The following AP4E1 variants were observed in gnomAD, a reference collection of about 807,000 sequenced individuals.
The protein encoded by AP4E1 is adaptor related protein complex 4 subunit epsilon 1.
In AP4E1, 56 loss-of-function variants were observed where a neutral mutation model predicts 128.2. That is an observed-to-expected ratio of 0.44 (90% confidence interval 0.35 to 0.55). The LOEUF (loss-of-function observed/expected upper bound fraction) is 0.55. AP4E1 is among the 20% of genes least tolerant of loss of function. AP4E1 has a pLI of 0.00. For synonymous variants in AP4E1, 484 were observed against 473.1 expected (o/e 1.02, Z -0.30); for missense variants, 1,324 against 1,307.7 (o/e 1.01, Z -0.19).
intron 15 of AP4E1, among the ~76,000 whole-genome samples, chr15:50,969,125 T>G (rs572506006): frequency 6.6e-6 from 1 of 152,192 alleles, no homozygotes; most frequent in African/African-American, 2.4e-5. Flanking sequence ...TTAAGCCTAG[T>G]ACCCATTAGT....
At chr15:50,990,678 G>A (rs79342740) in intron 16 of AP4E1, among the ~76,000 whole-genome samples, 7,707 of 152,064 alleles carry the variant, frequency 0.051, 238 homozygotes, top group African/African-American at 0.068. Context: ...TACTGCACCT[G>A]GCCATATTTT....
chr15:50,995,963 A>G (rs2064863923), intron 17 of AP4E1, among the ~76,000 whole-genome samples: 1 of 149,056 alleles, frequency 6.7e-6, no homozygotes, highest in African/African-American at 2.4e-5. Flanking sequence ...GACAGTAACA[A>G]GCAGTCTAAT....
intron 5 of AP4E1, among the ~76,000 whole-genome samples, chr15:50,928,546 C>A (rs2063794206): frequency 6.6e-6 from 1 of 152,004 alleles, no homozygotes. Flanking sequence ...CCTCAGCCTC[C>A]CAAAGTGCTG....
At chr15:50,943,009 T>C (rs1376152335) in intron 10 of AP4E1, among the ~76,000 whole-genome samples, 3 of 152,092 alleles carry the variant, frequency 2.0e-5, no homozygotes, top group African/African-American at 7.2e-5. Flanking sequence ...AACATAGTAC[T>C]GGGTAGGTAG....
At chr15:50,982,606 A>G (rs1377521019) in intron 15 of AP4E1, among the ~76,000 whole-genome samples, 1 of 152,218 alleles carries the variant, frequency 6.6e-6, no homozygotes, top group African/African-American at 2.4e-5. Flanking sequence ...TCTTCACTTT[A>G]CAGATGAAGA....
chr15:50,957,513 T>G (rs1392939309), intron 13 of AP4E1, among the ~76,000 whole-genome samples: 1 of 152,054 alleles, frequency 6.6e-6, no homozygotes, highest in African/African-American at 2.4e-5. Context: ...AGTTCTCACT[T>G]TGGGCCGTGG....
intron 3 of AP4E1, chr15:50,918,211 T>A (rs1167277951): frequency 6.6e-6 from 1 of 152,268 alleles, no homozygotes; most frequent in Non-Finnish European, 1.5e-5. Flanking sequence ...AACCTTTGTT[T>A]CCCTGGTCTC....
chr15:50,908,846 G>T lies in AP4E1; in HGVS notation c.68G>T (p.Gly23Val), dbSNP rs2141120985. The T allele has an allele frequency of 6.2e-7, 1 of 1,608,504 alleles. No homozygotes were observed. Among genetic ancestry groups the T allele is most frequent in the Non-Finnish European group, 8.5e-7 (1 of 1,178,434 alleles). Residue 23 changes from glycine to valine, a missense_variant, in exon 1 of 21, where the codon GGT becomes GTT. Physicochemically the swap from Gly to Val is moderately radical, Grantham distance 109. Coordinates refer to ENST00000261842, the MANE Select transcript of AP4E1 (RefSeq NM_007347.5). ...CTCTTTCTGCAGAACCAGCCCGGTGGTGGGCCCGCGGCCGCCAAGGCGTCC... is the reference window on the plus strand; with the variant it reads ...CTCTTTCTGCAGAACCAGCCCGGTGTTGGGCCCGCGGCCGCCAAGGCGTCC... ...PGLFLQNQPG[G>V]GPAAAKASFS...
rs61161776 is a variant in AP4E1 at position 50,991,962 on chromosome 15, CTT to C, written c.2091-1391_2091-1390del. Among the ~76,000 whole-genome samples the C allele has an allele frequency of 8.4e-3, 1,058 of 126,464 alleles. 13 individuals are homozygous for C. The highest frequency in any genetic ancestry group is 0.024 in the African/African-American group (824 of 34,834). 83.0% of individuals were successfully genotyped at this position (126,464 alleles called of 152,430 possible). On this transcript the variant is annotated intron_variant, in intron 16 of 20. Coordinates refer to ENST00000261842, the MANE Select transcript of AP4E1 (RefSeq NM_007347.5). ...AGTCAAGTGCCAAGGACACATAGTT[CTT>C]TTTTTTTTTTTTTTTTAACTCCAGT... is the stretch of plus-strand genomic sequence containing the variant.
chr15:50,932,827 T>C (rs2141161367), intron 7 of AP4E1, among the ~76,000 whole-genome samples: 1 of 152,362 alleles, frequency 6.6e-6, no homozygotes, highest in South Asian at 2.1e-4. Context: ...AGTGAAAACG[T>C]AAGGTGATGG....
Position 51,002,568 on chromosome 15 carries a change from A to C in AP4E1, c.3320A>C (p.His1107Pro). 1 of 1,614,176 alleles carries C rather than the reference A, an allele frequency of 6.2e-7. No individual in the cohort carries two copies. The highest frequency in any genetic ancestry group is 8.5e-7 in the Non-Finnish European group (1 of 1,180,026). ...CCCTGCTTACTGCATTGCCGAGTTC[A>C]TGCAGATGTATTAGCCCTGTGGTTC... is the stretch of plus-strand genomic sequence containing the variant. The part of the protein sequence containing the change: ...SIPCLLHCRV[H>P]ADVLALWFRS... The change falls in exon 21 of 21, where the codon CAT becomes CCT. Residue 1107 changes from histidine to proline, a missense_variant. His to Pro is a moderately conservative substitution (Grantham distance 77, BLOSUM62 -2). Transcript: ENST00000261842.
chr15:50,999,500 T>C (rs532551179), intron 19 of AP4E1, among the ~76,000 whole-genome samples: 2 of 152,310 alleles, frequency 1.3e-5, no homozygotes, highest in East Asian at 3.9e-4. Flanking sequence ...TGAGGGATTA[T>C]AATGAGAGAC....
At chr15:50,934,736 A>T in intron 8 of AP4E1, 39 bp downstream of exon 8, 1 of 1,382,424 alleles carries the variant, frequency 7.2e-7, no homozygotes, top group Non-Finnish European at 1.0e-6. Flanking sequence ...ATGACTAATA[A>T]TGTTTTTTAG....
rs759470220 is a variant in AP4E1 at position 50,997,743 on chromosome 15, T to C, written c.2764T>C (p.Cys922Arg). Residue 922 changes from cysteine to arginine, a missense_variant, in exon 18 of 21, where the codon TGT becomes CGT. Coordinates refer to ENST00000261842, the MANE Select transcript of AP4E1 (RefSeq NM_007347.5). ...CATACACTCAAATGCTATGGAAGTC[T>C]GTAATAATGAAACTATATCAGTGTC... Reference protein sequence around the residue: ...EYIHSNAMEVCNNETISVSSY... With the variant: ...EYIHSNAMEVRNNETISVSSY... 2.5e-6 allele frequency: 4 copies of C among 1,613,732 alleles called. No homozygotes were observed. Among genetic ancestry groups the C allele is most frequent in the Non-Finnish European group, 2.5e-6 (3 of 1,179,894 alleles).
At chr15:50,956,431 T>C (rs1473097346) in intron 13 of AP4E1, among the ~76,000 whole-genome samples, 2 of 152,096 alleles carry the variant, frequency 1.3e-5, no homozygotes, top group East Asian at 1.9e-4. Context: ...AAACACCATT[T>C]AGGAAAGTGT....
intron 3 of AP4E1, among the ~76,000 whole-genome samples, chr15:50,920,094 AAG>A: frequency 6.7e-6 from 1 of 148,660 alleles, no homozygotes; most frequent in East Asian, 2.0e-4. Flanking sequence ...AAAAAAAAAA[AAG>A]ATAAAATTTA....
intron 14 of AP4E1, among the ~76,000 whole-genome samples, chr15:50,962,898 A>G (rs1487610354): frequency 7.0e-6 from 1 of 143,488 alleles, no homozygotes. Context: ...GCAAAAAAAA[A>G]AAAAAAAAAA....
chr15:50,984,723 T>A (rs992651795), intron 16 of AP4E1, among the ~76,000 whole-genome samples: 3 of 151,868 alleles, frequency 2.0e-5, no homozygotes, highest in African/African-American at 7.3e-5. Context: ...GACATTTGGG[T>A]TGGTTCCAAG....
intron 19 of AP4E1, among the ~76,000 whole-genome samples, chr15:51,000,393 G>A (rs781140954): frequency 2.0e-5 from 3 of 151,938 alleles, no homozygotes; most frequent in Non-Finnish European, 2.9e-5. Flanking sequence ...TGTCTGCCTC[G>A]GCCTCCCAAG....
Sources: allele counts gnomAD v4.1 joint callset (sites outside exome capture counted in the v4.1 genomes callset), GRCh38; gene constraint gnomAD v4.1.1; transcripts MANE v1.5; gene names NCBI Gene and HGNC (gene_info 2026-07-23, HGNC 2026-07-21).